The following DES variants were observed in gnomAD, a reference collection of about 807,000 sequenced individuals.
DES encodes the protein cardiomyopathy, dilated 1F (autosomal dominant).
Under a neutral mutation model 55.1 loss-of-function variants are expected in DES, and 34 were observed. That is an observed-to-expected ratio of 0.62 (90% CI 0.47 to 0.82). DES has a LOEUF of 0.82. Ranked by LOEUF, DES falls within the 40% of genes least tolerant of loss-of-function variation. DES has a pLI of 0.00. For missense variants in DES, 596 were observed against 645.9 expected, an observed-to-expected ratio of 0.92 and a Z score of 0.84; for synonymous variants, 259 against 270.8, an observed-to-expected ratio of 0.96 and a Z score of 0.43.
Position 219,418,584 on chromosome 2 carries a change from G to T in DES, c.122G>T (p.Gly41Val). 2 of 1,604,980 alleles carry T rather than the reference G, an allele frequency of 1.2e-6. No homozygotes were observed. The highest frequency in any genetic ancestry group is 1.7e-6 in the Non-Finnish European group (2 of 1,176,086). The change falls in exon 1 of 9, where the codon GGC becomes GTC. Residue 41 changes from glycine (G) to valine (V), a missense_variant. Gly to Val is a moderately radical substitution (Grantham distance 109). Transcript: ENST00000373960. ...SSPVFPRAGF[G>V]SKGSSSSVTS... Reference sequence around the variant, plus strand: ...CCCGTGTTCCCGCGGGCGGGTTTCGGCTCTAAGGGCTCCTCCAGCTCGGTG... The same window carrying T: ...CCCGTGTTCCCGCGGGCGGGTTTCGTCTCTAAGGGCTCCTCCAGCTCGGTG...
At chr2:219,421,997 C>G (rs569550520) in intron 6 of DES, among the ~76,000 whole-genome samples, 3 of 152,268 alleles carry the variant, frequency 2.0e-5, no homozygotes, top group South Asian at 4.1e-4. Context: ...GGCCACTGCT[C>G]TATTAATTGC....
chr2:219,425,328 G>T, intron 7 of DES: 1 of 368,632 alleles, frequency 2.7e-6, no homozygotes, highest in Non-Finnish European at 5.2e-6. Context: ...GGGGCCTGGG[G>T]GTGGAGAGGA....
At position 219,420,719 on chromosome 2, in the gene DES, C is replaced by A; in HGVS notation, c.897+63C>A. 1 of 1,613,338 alleles carries A rather than the reference C, an allele frequency of 6.2e-7. No homozygotes were observed. The highest frequency in any genetic ancestry group is 8.5e-7 in the Non-Finnish European group (1 of 1,179,472). On this transcript the variant is annotated intron_variant, in intron 4 of 8. Transcript: ENST00000373960. The surrounding 1 kb of genome is among the most constrained non-coding windows in gnomAD (Gnocchi z 6.0). ...CCTGAATCCCAGCTTGGATGTGCTG[C>A]CTGTGGTACCATCCATGGGAGGAGA...
Position 219,420,196 on chromosome 2 carries a change from G to C in DES, c.639+41G>C. 1 of 1,614,166 alleles carries C rather than the reference G, an allele frequency of 6.2e-7. No homozygotes were observed. The highest frequency in any genetic ancestry group is 1.1e-5 in the South Asian group (1 of 91,084). ...TTCCCCTTGCATGGCCTCTGGCCTT[G>C]CTCTGCCCCACCTGGGTGGCGGTGA... is the stretch of plus-strand genomic sequence containing the variant. On this transcript the variant is annotated intron_variant, in intron 2 of 8. Transcript: ENST00000373960. This position sits in a 1 kb window ranked among gnomAD's most constrained non-coding sequence, Gnocchi z 6.0.
intron 5 of DES, among the ~76,000 whole-genome samples, 168 bp downstream of exon 5, chr2:219,421,121 G>A (rs1345774469): frequency 6.6e-6 from 1 of 152,238 alleles, no homozygotes; most frequent in Non-Finnish European, 1.5e-5. Context: ...TAAGGAATCA[G>A]GGGTTCCTGG....
chr2:219,425,383 A>G, intron 7 of DES: 1 of 459,894 alleles, frequency 2.2e-6, no homozygotes, highest in Non-Finnish European at 4.0e-6. Context: ...CCTGGGCCTC[A>G]GGTGTCCCCT....
At chr2:219,425,887 C>T in intron 8 of DES, 62 bp from the exon 9 acceptor site, 1 of 1,611,150 alleles carries the variant, frequency 6.2e-7, no homozygotes, top group Non-Finnish European at 8.5e-7. Context: ...GGGGATGGCT[C>T]AGGGCTGAGG....
Position 219,423,952 on chromosome 2 carries a change from A to T in DES, c.1288+132A>T, listed in dbSNP as rs952732811. 6.9e-6 allele frequency: 7 copies of T among 1,014,474 alleles called. No individual in the cohort carries two copies. The African/African-American group carries it at 1.1e-4, about 16-fold the overall frequency. 62.8% of individuals were successfully genotyped at this position (1,014,474 alleles called of 1,614,324 possible). A position where few individuals can be genotyped will look rare whatever the true frequency, so the allele number is the denominator to read the frequency against. ...ACAGACCTGGAGTCTGGGGAAGAAA[A>T]AGGGGACCACTGCGGGTAGGTGGGG... On this transcript the variant is annotated intron_variant, in intron 7 of 8. Coordinates refer to ENST00000373960, the MANE Select transcript of DES (RefSeq NM_001927.4).
chr2:219,422,520 A>C (rs1318995817), intron 6 of DES, among the ~76,000 whole-genome samples: 2 of 126,984 alleles, frequency 1.6e-5, no homozygotes, highest in African/African-American at 3.1e-5. Context: ...GCTGGAGTGC[A>C]GTGGTGTGAT....
chr2:219,419,219 C>T lies in DES; in HGVS notation c.578+179C>T, dbSNP rs1954390286. ...TCAAGGGGCCGTGACCTCCAGGTCT[C>T]TCCCCCTGCGATCCCATCTTGCACA... On this transcript the variant is annotated intron_variant, in intron 1 of 8. Coordinates refer to ENST00000373960, the MANE Select transcript of DES (RefSeq NM_001927.4). This position sits in a 1 kb window ranked among gnomAD's most constrained non-coding sequence, Gnocchi z 4.3. Among the ~76,000 whole-genome samples the T allele has an allele frequency of 6.6e-6, 1 of 152,232 alleles. No individual in the cohort carries two copies. Among genetic ancestry groups the T allele is most frequent in the Non-Finnish European group, 1.5e-5 (1 of 68,034 alleles).
At chr2:219,421,033 C>A in intron 5 of DES, 80 bp downstream of exon 5, 1 of 1,550,372 alleles carries the variant, frequency 6.5e-7, no homozygotes. Context: ...TTGGGCCCAT[C>A]ATAGATCCTC....
rs994454109 is a variant in DES, at chr2:219,418,720, C to G, written c.258C>G (p.Gly86=). The G allele has an allele frequency of 1.0e-5, 16 of 1,563,092 alleles. No homozygotes were observed. Among genetic ancestry groups the G allele is most frequent in the Non-Finnish European group, 1.3e-5 (15 of 1,153,464 alleles). Residue 86 remains glycine, a synonymous_variant, in exon 1 of 9, where the codon GGC becomes GGG. Transcript: ENST00000373960. ...GCACGCCCTCCTCCTACGGCGCAGG[C>G]GAGCTGCTGGACTTCTCACTGGCCG... ...TTRTPSSYGA[G]ELLDFSLADA...
chr2:219,421,299 TC>T, intron 5 of DES, 40 bp from the exon 6 acceptor site: 1 of 1,609,466 alleles, frequency 6.2e-7, no homozygotes, highest in Non-Finnish European at 8.5e-7. Flanking sequence ...GCTGCTAGTG[TC>T]CTCTTCCCTT....
Position 219,419,952 on chromosome 2 carries a change from A to C in DES, c.579-143A>C, listed in dbSNP as rs1575013920. On this transcript the variant is annotated intron_variant, in intron 1 of 8. Transcript: ENST00000373960. This position sits in a 1 kb window ranked among gnomAD's most constrained non-coding sequence, Gnocchi z 4.3. ...CTCCCTGGGTGGGTGGGGCCTCTCC[A>C]CTCCCTGTCTCTCCTGCCTCTACCC... 1 of 850,510 alleles carries C rather than the reference A, an allele frequency of 1.2e-6. No homozygotes were observed. Among genetic ancestry groups the C allele is most frequent in the South Asian group, 1.4e-5 (1 of 69,848 alleles). 52.7% of individuals were successfully genotyped at this position (850,510 alleles called of 1,614,324 possible). A position where few individuals can be genotyped will look rare whatever the true frequency, so the allele number is the denominator to read the frequency against.
At position 219,420,184 on chromosome 2, in the gene DES, G is replaced by A; in HGVS notation, c.639+29G>A. 1 of 1,614,168 alleles carries A rather than the reference G, an allele frequency of 6.2e-7. No individual in the cohort carries two copies. Among genetic ancestry groups the A allele is most frequent in the African/African-American group, 1.3e-5 (1 of 75,044 alleles). ...AGTGCCCTTCTTTTCCCCTTGCATG[G>A]CCTCTGGCCTTGCTCTGCCCCACCT... On this transcript the variant is annotated intron_variant, in intron 2 of 8. Transcript: ENST00000373960. This position sits in a 1 kb window ranked among gnomAD's most constrained non-coding sequence, Gnocchi z 6.0.
In DES at chr2:219,419,141, GC is replaced by G. The variant is rs1193285446; in HGVS notation, c.578+104del. On this transcript the variant is annotated intron_variant, in intron 1 of 8. Transcript: ENST00000373960. This position sits in a 1 kb window ranked among gnomAD's most constrained non-coding sequence, Gnocchi z 4.3. ...CTGTCAGCACCTGCCTTCTCCCGGGGCCCGGGACCCTCTCCTGCCCCATGTG... is the reference window on the plus strand; with the variant it reads ...CTGTCAGCACCTGCCTTCTCCCGGGGCCGGGACCCTCTCCTGCCCCATGTG... 2.2e-5 allele frequency: 33 copies of G among 1,527,994 alleles called. No individual in the cohort carries two copies. Among genetic ancestry groups the G allele is most frequent in the African/African-American group, 2.7e-5 (2 of 72,782 alleles). The allele number at this position is 1,527,994 out of a possible 1,614,324, so 94.7% of individuals were successfully genotyped here.
At chr2:219,421,212 T>C (rs1954434520) in intron 5 of DES, 128 bp from the exon 6 acceptor site, 2 of 1,075,494 alleles carry the variant, frequency 1.9e-6, no homozygotes, top group African/African-American at 1.6e-5. Context: ...ACATATAGAC[T>C]TAATTTGAGT....
In DES at chr2:219,418,794, A is replaced by T; in HGVS notation, c.332A>T (p.Glu111Val). The change falls in exon 1 of 9, where the codon GAG becomes GTG. Residue 111 changes from glutamate (E) to valine (V), a missense_variant. Coordinates refer to ENST00000373960, the MANE Select transcript of DES (RefSeq NM_001927.4). ...ACCACGCGCACCAACGAGAAGGTGG[A>T]GCTGCAGGAGCTCAATGACCGCTTC... ...FLTTRTNEKV[E>V]LQELNDRFAN... 6.4e-7 allele frequency: 1 copy of T among 1,568,964 alleles called. No individual in the cohort carries two copies. Among genetic ancestry groups the T allele is most frequent in the Non-Finnish European group, 8.6e-7 (1 of 1,156,240 alleles).
Position 219,425,963 on chromosome 2 carries a change from C to T in DES, c.1386C>T (p.Ala462=), listed in dbSNP as rs1135931. The change falls in exon 9 of 9, where the codon GCC becomes GCT. Residue 462 remains alanine (A), a synonymous_variant. Coordinates refer to ENST00000373960, the MANE Select transcript of DES (RefSeq NM_001927.4). ...ETRDGEVVSE[A]TQQQHEVL ...TTCCTCCCCAGGTCGTCAGTGAGGC[C>T]ACACAGCAGCAGCATGAAGTGCTCT... is the stretch of plus-strand genomic sequence containing the variant. 6.2e-7 allele frequency: 1 copy of T among 1,613,952 alleles called. No individual in the cohort carries two copies. The highest frequency in any genetic ancestry group is 1.7e-5 in the Admixed American group (1 of 60,002).
Sources: gnomAD v4.1 joint callset for allele counts (sites outside exome capture counted in the v4.1 genomes callset) on GRCh38, gnomAD v4.1.1 for gene constraint, Gnocchi (gnomAD v3.1) non-coding constraint, MANE v1.5 for transcripts, NCBI Gene and HGNC (gene_info 2026-07-23, HGNC 2026-07-21) for gene names.